CACNA1E: variants seen among roughly 807,000 people sequenced by gnomAD.
CACNA1E encodes calcium voltage-gated channel subunit alpha1 E.
In CACNA1E, 40 loss-of-function variants were observed where a neutral mutation model predicts 259.2. The ratio of observed to expected loss-of-function variants is 0.15; its 90% CI spans 0.12 to 0.20. CACNA1E has a LOEUF of 0.20. CACNA1E is among the 10% of genes least tolerant of loss of function. The pLI, the probability that CACNA1E is intolerant of heterozygous loss-of-function variation, is 1.00. For missense variants in CACNA1E, 1,874 were observed against 3,040.1 expected, an observed-to-expected ratio of 0.62 and a Z score of 9.02; for synonymous variants, 1,104 against 1,138.5, an observed-to-expected ratio of 0.97 and a Z score of 0.61.
At chr1:181,373,856 G>A (rs533569912) in intron 1 of CACNA1E, among the ~76,000 whole-genome samples, 17 of 152,238 alleles carry the variant, frequency 1.1e-4, no homozygotes, top group Non-Finnish European at 1.9e-4. Context: ...ACACAGAGGA[G>A]GAGAAAATGC....
At chr1:181,717,406 C>T (rs1316167823) in intron 11 of CACNA1E, 104 bp downstream of exon 11, 12 of 914,442 alleles carry the variant, frequency 1.3e-5, no homozygotes, top group Non-Finnish European at 2.1e-5. Flanking sequence ...AGGAAAGGTT[C>T]TACCTCTTCA....
intron 1 of CACNA1E, among the ~76,000 whole-genome samples, chr1:181,352,743 G>A (rs1015490385): frequency 6.6e-6 from 1 of 152,206 alleles, no homozygotes; most frequent in African/African-American, 2.4e-5. Flanking sequence ...GGTGGTGGTT[G>A]TGATTGGAGG....
intron 7 of CACNA1E, among the ~76,000 whole-genome samples, chr1:181,655,150 A>G (rs1319129341): frequency 6.6e-6 from 1 of 152,124 alleles, no homozygotes; most frequent in Admixed American, 6.5e-5. Context: ...ATGTATTATA[A>G]TTTTTTTAAA....
intron 2 of CACNA1E, among the ~76,000 whole-genome samples, chr1:181,431,539 G>A (rs1160326897): frequency 6.6e-6 from 1 of 152,154 alleles, no homozygotes. Context: ...CCTGGTCCAG[G>A]ATATTAACAG....
intron 3 of CACNA1E, among the ~76,000 whole-genome samples, chr1:181,573,637 AC>A (rs754985808): frequency 1.5e-4 from 23 of 152,218 alleles, no homozygotes; most frequent in Non-Finnish European, 3.1e-4. Context: ...TCAAGGAAAA[AC>A]AGATGGTAGA....
intron 6 of CACNA1E, among the ~76,000 whole-genome samples, chr1:181,645,521 T>A (rs539107702): frequency 6.6e-6 from 1 of 152,328 alleles, no homozygotes. Context: ...ATTAATCTTT[T>A]CACTGCCTTT....
chr1:181,482,232 C>A (rs1272124285), upstream of CACNA1E, among the ~76,000 whole-genome samples: 1 of 152,220 alleles, frequency 6.6e-6, no homozygotes, highest in East Asian at 1.9e-4. Flanking sequence ...TGGCGCTAGG[C>A]GCGCAAAGGC....
At chr1:181,540,656 A>T (rs2102780158) in intron 3 of CACNA1E, among the ~76,000 whole-genome samples, 1 of 152,328 alleles carries the variant, frequency 6.6e-6, no homozygotes, top group South Asian at 2.1e-4. Context: ...GAGCATCGTG[A>T]TCCCTGAAGA....
intron 6 of CACNA1E, among the ~76,000 whole-genome samples, chr1:181,610,123 C>T (rs1406443470): frequency 6.6e-6 from 1 of 152,174 alleles, no homozygotes; most frequent in Non-Finnish European, 1.5e-5. Flanking sequence ...ACTGTAAAAG[C>T]CATGACAGTT....
chr1:181,737,604 A>G lies in CACNA1E; in HGVS notation c.3502A>G (p.Ile1168Val), dbSNP rs1351382152. 1.2e-6 allele frequency: 2 copies of G among 1,613,972 alleles called. No individual in the cohort carries two copies. The highest frequency in any genetic ancestry group is 1.7e-5 in the Admixed American group (1 of 60,028). The part of the protein sequence containing the change: ...CILLVIAASS[I>V]ALAAEDPVLT... ...CCTCCTGGTGATTGCAGCCAGCAGC[A>G]TCGCCCTGGCGGCAGAGGACCCCGT... is the stretch of plus-strand genomic sequence containing the variant. The change falls in exon 23 of 48, where the codon ATC (isoleucine) becomes GTC (valine). Residue 1168 changes from isoleucine to valine, a missense_variant. By Grantham distance (29) the Ile-to-Val change is conservative (BLOSUM62 3). Transcript: ENST00000367573.
At chr1:181,641,852 T>C (rs1657811200) in intron 6 of CACNA1E, among the ~76,000 whole-genome samples, 1 of 151,772 alleles carries the variant, frequency 6.6e-6, no homozygotes, top group Non-Finnish European at 1.5e-5. Flanking sequence ...TAGCTGGGAC[T>C]ACAGGCATGC....
At chr1:181,372,184 A>G (rs888198264) in intron 1 of CACNA1E, among the ~76,000 whole-genome samples, 1 of 152,144 alleles carries the variant, frequency 6.6e-6, no homozygotes, top group Non-Finnish European at 1.5e-5. Flanking sequence ...AATTGCTTTG[A>G]GCAGTATGGC....
At chr1:181,685,230 G>GTTTTTTT (rs139598690) in intron 7 of CACNA1E, among the ~76,000 whole-genome samples, 26 of 103,432 alleles carry the variant, frequency 2.5e-4, no homozygotes, top group African/African-American at 9.8e-4. Context: ...CCACCTTTAA[G>GTTTTTTT]TTTTTTTTTT....
chr1:181,361,736 G>A (rs1393386665), intron 1 of CACNA1E, among the ~76,000 whole-genome samples: 1 of 152,174 alleles, frequency 6.6e-6, no homozygotes, highest in African/African-American at 2.4e-5. Flanking sequence ...AGGATGTAAG[G>A]GGGAAGGGGA....
At position 181,790,468 on chromosome 1, in the gene CACNA1E, C is replaced by G. The variant is rs1007685928; in HGVS notation, c.5810C>G (p.Ser1937Trp). The change falls in exon 44 of 48, where the codon TCG becomes TGG. Residue 1937 changes from serine (S) to tryptophan (W), a missense_variant. By Grantham distance (177) the Ser-to-Trp change is radical (BLOSUM62 -3). Transcript: ENST00000367573. ...AGGAGTGGCCGGAGTGGATACCCTT[C>G]GATGAGTCCACTCTCTCCCCAGGAT... Reference protein sequence around the residue: ...SGLSGRSGYPSMSPLSPQDIF... With the variant: ...SGLSGRSGYPWMSPLSPQDIF... 6.2e-7 allele frequency: 1 copy of G among 1,611,896 alleles called. No homozygotes were observed. The highest frequency in any genetic ancestry group is 1.3e-5 in the African/African-American group (1 of 74,850).
rs1208744218 is a variant in CACNA1E, at chr1:181,577,798, C to T, written c.545C>T (p.Thr182Ile). ...ILATAGTHFNTHVDLRTLRAV... is the reference protein window; with the variant it reads ...ILATAGTHFNIHVDLRTLRAV... ...GCCACTGCAGGAACCCACTTCAATACTCACGTGGACCTGAGGACCCTCCGG... is the reference window on the plus strand; with the variant it reads ...GCCACTGCAGGAACCCACTTCAATATTCACGTGGACCTGAGGACCCTCCGG... Residue 182 changes from threonine to isoleucine, a missense_variant, in exon 4 of 48, where the codon ACT becomes ATT. Around this residue, in one of 14 missense-constraint regions of CACNA1E, gnomAD observed 55 missense variants for 156.5 expected, o/e 0.35. Transcript: ENST00000367573. The T allele has an allele frequency of 1.9e-6, 3 of 1,610,964 alleles. No homozygotes were observed. Among genetic ancestry groups the T allele is most frequent in the East Asian group, 2.2e-5 (1 of 44,786 alleles).
At chr1:181,581,083 C>T (rs181679468) in intron 6 of CACNA1E, among the ~76,000 whole-genome samples, 128 of 152,016 alleles carry the variant, frequency 8.4e-4, no homozygotes, top group African/African-American at 2.9e-3. Flanking sequence ...TTGGACGTGG[C>T]GGTAGGGTAT....
chr1:181,721,565 A>G (rs1654412397), intron 15 of CACNA1E, among the ~76,000 whole-genome samples, 193 bp from the exon 16 acceptor site: 1 of 152,166 alleles, frequency 6.6e-6, no homozygotes, highest in South Asian at 2.1e-4. Flanking sequence ...TCAATGCCTA[A>G]AATTCTTTTC....
intron 1 of CACNA1E, among the ~76,000 whole-genome samples, chr1:181,345,194 G>T (rs1332458225): frequency 6.6e-6 from 1 of 152,250 alleles, no homozygotes; most frequent in Non-Finnish European, 1.5e-5. Flanking sequence ...GCAAAGCCAG[G>T]GAGAAGCAGC....
Sources: gnomAD v4.1 joint callset for allele counts (sites outside exome capture counted in the v4.1 genomes callset) on GRCh38, gnomAD v4.1.1 for gene constraint, gnomAD v4.1.1 regional missense constraint, MANE v1.5 for transcripts, NCBI Gene and HGNC (gene_info 2026-07-23, HGNC 2026-07-21) for gene names.